Variants in PTPRD observed in about 807,000 individuals in gnomAD.
PTPRD encodes receptor-type tyrosine-protein phosphatase delta.
Under a neutral mutation model 214.5 loss-of-function variants are expected in PTPRD, and 34 were observed. The observed-to-expected ratio is 0.16, with a 90% confidence interval of 0.12 to 0.21. The LOEUF is 0.21. Ranked by LOEUF, PTPRD falls within the 10% of genes least tolerant of loss-of-function variation. The probability of loss-of-function intolerance (pLI) is 1.00; values close to 1 mark genes in which losing one functional copy is unlikely to be tolerated. For synonymous variants in PTPRD, 1,128 were observed against 845.7 expected (o/e 1.33, Z -5.79); for missense variants, 2,545 against 2,398.7 (o/e 1.06, Z -1.27).
intron 3 of PTPRD, among the ~76,000 whole-genome samples, chr9:10,190,386 GAAAAAAAAAAAAAAA>G (rs66511711): frequency 0.34 from 17,156 of 49,936 alleles, 1,231 homozygotes; most frequent in African/African-American, 0.44. Context: ...TCTATCTCCA[GAAAAAAAAAAAAAAA>G]AAAAAAAAAA....
At chr9:8,988,071 A>T (rs1428434781) in intron 11 of PTPRD, among the ~76,000 whole-genome samples, 1 of 152,022 alleles carries the variant, frequency 6.6e-6, no homozygotes, top group African/African-American at 2.4e-5. Flanking sequence ...GAGAGATTAG[A>T]AATGTAGATG....
intron 5 of PTPRD, among the ~76,000 whole-genome samples, chr9:9,929,470 T>C (rs960404364): frequency 1.3e-5 from 2 of 152,220 alleles, no homozygotes; most frequent in African/African-American, 4.8e-5. Flanking sequence ...CTTGTCTCAC[T>C]GCAACCTCTG....
At chr9:10,471,871 G>C (rs752191987) in intron 2 of PTPRD, among the ~76,000 whole-genome samples, 2 of 151,772 alleles carry the variant, frequency 1.3e-5, no homozygotes, top group Non-Finnish European at 1.5e-5. Flanking sequence ...TATTTGAAAA[G>C]GAAATGAACA....
chr9:8,737,339 G>C (rs2090703547), intron 11 of PTPRD, among the ~76,000 whole-genome samples: 1 of 152,098 alleles, frequency 6.6e-6, no homozygotes. Flanking sequence ...TCCTTATCTT[G>C]TTTATTACAC....
At chr9:10,433,010 T>C (rs1055759655) in intron 2 of PTPRD, among the ~76,000 whole-genome samples, 6 of 151,980 alleles carry the variant, frequency 3.9e-5, no homozygotes, top group African/African-American at 7.2e-5. Context: ...CTGTTACTAA[T>C]ATAGCTCCTC....
intron 8 of PTPRD, among the ~76,000 whole-genome samples, chr9:9,540,718 G>A (rs1447423789): frequency 6.6e-6 from 1 of 151,770 alleles, no homozygotes; most frequent in Non-Finnish European, 1.5e-5. Context: ...GTGACAGGAA[G>A]TTGAGATAAA....
At chr9:9,460,937 G>T (rs1390250696) in intron 8 of PTPRD, among the ~76,000 whole-genome samples, 1 of 151,930 alleles carries the variant, frequency 6.6e-6, no homozygotes, top group Non-Finnish European at 1.5e-5. Flanking sequence ...GTCCGTCAGT[G>T]GTTGACTGGA....
intron 11 of PTPRD, among the ~76,000 whole-genome samples, chr9:8,934,478 A>AATAT (rs1334901619): frequency 0.015 from 129 of 8,454 alleles, 7 homozygotes; most frequent in Non-Finnish European, 0.026. Flanking sequence ...TATATATATA[A>AATAT]ATATATATAT....
intron 5 of PTPRD, among the ~76,000 whole-genome samples, chr9:9,784,223 A>G (rs2098896538): frequency 6.6e-6 from 1 of 152,120 alleles, no homozygotes; most frequent in Non-Finnish European, 1.5e-5. Flanking sequence ...AGCTGTACAA[A>G]GGATAAAGCT....
chr9:9,711,967 G>A (rs1367100725), intron 7 of PTPRD, among the ~76,000 whole-genome samples: 2 of 152,088 alleles, frequency 1.3e-5, no homozygotes, highest in Admixed American at 1.3e-4. Context: ...CACAAATACT[G>A]TCATTCTGAT....
At chr9:9,905,417 A>G (rs1023493005) in intron 5 of PTPRD, among the ~76,000 whole-genome samples, 1 of 152,018 alleles carries the variant, frequency 6.6e-6, no homozygotes, top group Non-Finnish European at 1.5e-5. Flanking sequence ...GCAAACAACT[A>G]TATTGTCACA....
At chr9:9,043,719 G>A (rs897486093) in intron 10 of PTPRD, among the ~76,000 whole-genome samples, 1 of 151,854 alleles carries the variant, frequency 6.6e-6, no homozygotes, top group Non-Finnish European at 1.5e-5. Context: ...GCCTTGCCAA[G>A]ATGATGAAAC....
At chr9:9,091,066 A>G in intron 10 of PTPRD, 1 of 1,509,854 alleles carries the variant, frequency 6.6e-7, no homozygotes, top group South Asian at 1.1e-5. Flanking sequence ...TTCTGAAGCG[A>G]GCGTCTTCGA....
chr9:9,665,573 GT>G (rs1044734597), intron 7 of PTPRD, among the ~76,000 whole-genome samples: 10 of 151,710 alleles, frequency 6.6e-5, no homozygotes, highest in Non-Finnish European at 1.2e-4. Flanking sequence ...CTTACTCAGA[GT>G]CCCCCAGTTA....
At chr9:10,060,433 T>G (rs2097738605) in intron 3 of PTPRD, among the ~76,000 whole-genome samples, 1 of 152,078 alleles carries the variant, frequency 6.6e-6, no homozygotes, top group African/African-American at 2.4e-5. Flanking sequence ...TGCCTTCTTA[T>G]TTGAATTAAA....
chr9:9,522,938 G>A (rs941209593), intron 8 of PTPRD, among the ~76,000 whole-genome samples: 1 of 152,094 alleles, frequency 6.6e-6, no homozygotes, highest in Non-Finnish European at 1.5e-5. Context: ...GATTTGACAG[G>A]GAAGGTGGAA....
intron 8 of PTPRD, among the ~76,000 whole-genome samples, chr9:9,508,606 C>G (rs535198242): frequency 2.6e-5 from 4 of 151,604 alleles, no homozygotes; most frequent in Admixed American, 1.3e-4. Context: ...AACTAAAGCC[C>G]ACATTTTATA....
intron 10 of PTPRD, among the ~76,000 whole-genome samples, chr9:9,160,496 C>G (rs931937934): frequency 1.3e-5 from 2 of 152,098 alleles, no homozygotes; most frequent in African/African-American, 4.8e-5. Context: ...CACCTCACAC[C>G]TGTTAGAATG....
At chr9:10,036,421 C>T (rs866898881) in intron 3 of PTPRD, among the ~76,000 whole-genome samples, 1 of 151,882 alleles carries the variant, frequency 6.6e-6, no homozygotes, top group Non-Finnish European at 1.5e-5. Context: ...AAGCATCATA[C>T]TCAGATCATA....
Sources: allele counts gnomAD v4.1 joint callset (sites outside exome capture counted in the v4.1 genomes callset), GRCh38; gene constraint gnomAD v4.1.1; transcripts MANE v1.5; gene names NCBI Gene and HGNC (gene_info 2026-07-23, HGNC 2026-07-21).